Variants in VAV2 observed in about 807,000 individuals in gnomAD.
The protein encoded by VAV2 is guanine nucleotide exchange factor VAV2.
VAV2 carries 67 observed loss-of-function variants against 132.5 expected under a neutral mutation model. The ratio of observed to expected loss-of-function variants is 0.51; its 90% CI spans 0.42 to 0.62. The LOEUF is 0.62. Ranked by LOEUF, VAV2 falls within the 20% of genes least tolerant of loss-of-function variation. The pLI is 0.00. For synonymous variants in VAV2, 492 were observed against 443.5 expected, an observed-to-expected ratio of 1.11 and a Z score of -1.37; for missense variants, 938 against 1,153.6, an observed-to-expected ratio of 0.81 and a Z score of 2.71.
rs900993079 is a variant in VAV2, at chr9:133,788,775, C to A, written c.1275-289G>T. Among the ~76,000 whole-genome samples, 1 of 152,126 alleles carries A rather than the reference C, an allele frequency of 6.6e-6. No individual in the cohort carries two copies. Among genetic ancestry groups the A allele is most frequent in the African/African-American group, 2.4e-5 (1 of 41,440 alleles). On this transcript the variant is annotated intron_variant, in intron 14 of 29. Coordinates refer to ENST00000371850, the MANE Select transcript of VAV2 (RefSeq NM_001134398.2). This position sits in a 1 kb window ranked among gnomAD's most constrained non-coding sequence, Gnocchi z 5.3. The stretch of plus-strand genomic sequence containing the variant: ...ACGCTGGCCTCCCATGCAGCACTGA[C>A]CCCCGACGGCTACTCCCAGTTGATC...
At chr9:133,915,691 GCACA>G (rs1184667576) in intron 2 of VAV2, among the ~76,000 whole-genome samples, 1 of 138,306 alleles carries the variant, frequency 7.2e-6, no homozygotes, top group Non-Finnish European at 1.6e-5. Context: ...ATGCACACGT[GCACA>G]CACAATGCAC....
intron 1 of VAV2, among the ~76,000 whole-genome samples, chr9:133,948,254 G>A (rs140053600): frequency 2.6e-5 from 4 of 152,316 alleles, no homozygotes; most frequent in Admixed American, 6.5e-5. Flanking sequence ...AACTTCCTTC[G>A]CTCGGGCCCA....
rs1564350912 is a variant in VAV2 at position 133,791,770 on chromosome 9, C to G, written c.1188+13G>C. Reference sequence around the variant, plus strand: ...ATCGACCTTCCCTAGCCTGAAGAGTCAGTCTCACTCACCAAATTTTCTATA... The same window carrying G: ...ATCGACCTTCCCTAGCCTGAAGAGTGAGTCTCACTCACCAAATTTTCTATA... On this transcript the variant is annotated intron_variant, in intron 13 of 29. Coordinates refer to ENST00000371850, the MANE Select transcript of VAV2 (RefSeq NM_001134398.2). The G allele has an allele frequency of 6.2e-7, 1 of 1,612,358 alleles. No homozygotes were observed. Among genetic ancestry groups the G allele is most frequent in the East Asian group, 2.2e-5 (1 of 44,872 alleles).
Position 133,778,621 on chromosome 9 carries a change from C to G in VAV2, c.1890+141G>C, listed in dbSNP as rs1353363767. 5 of 1,319,690 alleles carry G rather than the reference C, an allele frequency of 3.8e-6. No homozygotes were observed. In the African/African-American group the frequency reaches 5.9e-5, roughly 16 times the overall value. The allele number at this position is 1,319,690 out of a possible 1,614,324, so 81.7% of individuals were successfully genotyped here. On this transcript the variant is annotated intron_variant, in intron 22 of 29. Coordinates refer to ENST00000371850, the MANE Select transcript of VAV2 (RefSeq NM_001134398.2). ...CTGAGGCAGGAGAGGCCTTGCTAGG[C>G]CCCCTGTGCCTCCTCCTCCCTGGTG...
At position 133,883,780 on chromosome 9, in the gene VAV2, G is replaced by A. The variant is rs2131947135; in HGVS notation, c.322-22348C>T. On this transcript the variant is annotated intron_variant, in intron 2 of 29. Transcript: ENST00000371850. This position sits in a 1 kb window ranked among gnomAD's most constrained non-coding sequence, Gnocchi z 4.2. ...CTCCCGGGATCCAGTGCCACTGTGA[G>A]GCTCAAGTACACCCCAAAACTCACA... is the stretch of plus-strand genomic sequence containing the variant. 6.6e-6 allele frequency among the ~76,000 whole-genome samples: 1 copy of A among 152,294 alleles called. No homozygotes were observed. The highest frequency in any genetic ancestry group is 2.1e-4 in the South Asian group (1 of 4,826).
chr9:133,764,157 A>T, intron 29 of VAV2, 48 bp from the exon 30 acceptor site: 1 of 1,605,596 alleles, frequency 6.2e-7, no homozygotes, highest in Non-Finnish European at 8.5e-7. Context: ...TGTGTGTGTA[A>T]GCAGGTGTGT....
chr9:133,899,518 C>T (rs1004920627), intron 2 of VAV2, among the ~76,000 whole-genome samples: 40 of 152,004 alleles, frequency 2.6e-4, no homozygotes, highest in Non-Finnish European at 5.4e-4. Flanking sequence ...AAGCGATTCT[C>T]ATGCCTTAGC....
intron 2 of VAV2, among the ~76,000 whole-genome samples, chr9:133,862,144 C>G (rs1215233577): frequency 6.6e-6 from 1 of 152,258 alleles, no homozygotes; most frequent in Non-Finnish European, 1.5e-5. Flanking sequence ...TCTGCTCCCC[C>G]TAACCGGCCT....
intron 4 of VAV2, among the ~76,000 whole-genome samples, chr9:133,818,864 C>T (rs1473509977): frequency 6.6e-6 from 1 of 152,100 alleles, no homozygotes; most frequent in Non-Finnish European, 1.5e-5. Context: ...CGATACTCAG[C>T]CTCCCGAGTA....
intron 2 of VAV2, among the ~76,000 whole-genome samples, chr9:133,937,198 CTG>C (rs574712090): frequency 6.6e-6 from 1 of 151,970 alleles, no homozygotes; most frequent in Non-Finnish European, 1.5e-5. Flanking sequence ...ACATGTGAGA[CTG>C]TGTGTGTGTG....
Position 133,868,655 on chromosome 9 carries a change from T to C in VAV2, c.322-7223A>G, listed in dbSNP as rs1588290394. On this transcript the variant is annotated intron_variant, in intron 2 of 29. Transcript: ENST00000371850. ...AGTACTAGGCTCAGGGCCAGAAGCG[T>C]GCATGTTTGTTATGACTTTAGAAGA... is the stretch of plus-strand genomic sequence containing the variant. 2.0e-5 allele frequency among the ~76,000 whole-genome samples: 3 copies of C among 152,334 alleles called. No individual in the cohort carries two copies. In the East Asian group the frequency reaches 5.8e-4, roughly 29 times the overall value.
In VAV2 at chr9:133,991,435, G is replaced by T. The variant is rs568551754; in HGVS notation, c.204+640C>A. 4.6e-5 allele frequency among the ~76,000 whole-genome samples: 7 copies of T among 150,850 alleles called. No homozygotes were observed. Among genetic ancestry groups the T allele is most frequent in the Non-Finnish European group, 7.4e-5 (5 of 67,414 alleles). On this transcript the variant is annotated intron_variant, in intron 1 of 29. Transcript: ENST00000371850. The surrounding 1 kb of genome is among the most constrained non-coding windows in gnomAD (Gnocchi z 4.8). ...GGTGTTGGGAAAGCGATGGGGGCCA[G>T]GACTGGGGCCAAGTGGCCCTGGGGA...
chr9:133,805,784 C>T (rs1189059309), intron 9 of VAV2, among the ~76,000 whole-genome samples: 6 of 152,216 alleles, frequency 3.9e-5, no homozygotes, highest in Non-Finnish European at 2.9e-5. Context: ...CCGAGATCTC[C>T]GCTGGGACAG....
chr9:133,853,825 G>A lies in VAV2; in HGVS notation c.380+7549C>T, dbSNP rs904994251. 3.2e-4 allele frequency among the ~76,000 whole-genome samples: 49 copies of A among 152,220 alleles called. 1 individual carries two copies. Among genetic ancestry groups the A allele is most frequent in the African/African-American group, 1.2e-3 (48 of 41,530 alleles). ...CCTGTCCTCACCATGAGGAGCACCA[G>A]CCCTTGAGAACCTGCAACCAAGCCC... is the stretch of plus-strand genomic sequence containing the variant. On this transcript the variant is annotated intron_variant, in intron 3 of 29. Transcript: ENST00000371850.
intron 2 of VAV2, among the ~76,000 whole-genome samples, chr9:133,894,597 G>T (rs779861009): frequency 3.9e-5 from 6 of 152,192 alleles, no homozygotes; most frequent in Admixed American, 2.0e-4. Flanking sequence ...GGCCCAGCAG[G>T]GTTCACAGGC....
At chr9:133,843,779 G>A (rs1189189490) in intron 3 of VAV2, among the ~76,000 whole-genome samples, 1 of 152,218 alleles carries the variant, frequency 6.6e-6, no homozygotes, top group Non-Finnish European at 1.5e-5. Context: ...GGGTGGAGTC[G>A]AGAGTGACCA....
At chr9:133,925,218 T>C (rs1320230929) in intron 2 of VAV2, among the ~76,000 whole-genome samples, 2 of 152,150 alleles carry the variant, frequency 1.3e-5, no homozygotes, top group Non-Finnish European at 2.9e-5. Flanking sequence ...CACAATAATT[T>C]TTTCTTCCCC....
chr9:133,933,814 G>T, intron 2 of VAV2, among the ~76,000 whole-genome samples: 1 of 147,080 alleles, frequency 6.8e-6, no homozygotes, highest in African/African-American at 2.5e-5. Context: ...AATGATGGAT[G>T]AATGGATGAG....
chr9:133,934,068 T>TGG (rs1477808758), intron 2 of VAV2, among the ~76,000 whole-genome samples: 2 of 150,902 alleles, frequency 1.3e-5, no homozygotes, highest in African/African-American at 2.4e-5. Context: ...GATTGATGGA[T>TGG]AGATGGATGG....
Sources: allele counts gnomAD v4.1 joint callset (sites outside exome capture counted in the v4.1 genomes callset), GRCh38; gene constraint gnomAD v4.1.1; non-coding constraint Gnocchi (gnomAD v3.1); transcripts MANE v1.5; gene names NCBI Gene and HGNC (gene_info 2026-07-23, HGNC 2026-07-21).